The following NDEL1 variants were observed in gnomAD, a reference collection of about 807,000 sequenced individuals.
NDEL1 encodes the protein nudE neurodevelopment protein 1 like 1.
Under a neutral mutation model 45.7 loss-of-function variants are expected in NDEL1, and 9 were observed. That is an observed-to-expected ratio of 0.20 (90% CI 0.12 to 0.34). NDEL1 has a LOEUF of 0.34. Among genes scored for constraint, NDEL1 ranks in the 10% least tolerant of loss-of-function variants. The pLI is 1.00. For missense variants in NDEL1, 306 were observed against 406.2 expected (o/e 0.75, Z 2.12); for synonymous variants, 133 against 158.6 (o/e 0.84, Z 1.21).
At chr17:8,462,282 G>A (rs1456769456) in intron 8 of NDEL1, among the ~76,000 whole-genome samples, 1 of 152,166 alleles carries the variant, frequency 6.6e-6, no homozygotes, top group Non-Finnish European at 1.5e-5. Flanking sequence ...TTTGTGGGCT[G>A]GCTGTTGTGT....
intron 1 of NDEL1, among the ~76,000 whole-genome samples, chr17:8,438,703 A>G (rs1206881260): frequency 1.3e-5 from 2 of 151,376 alleles, no homozygotes; most frequent in African/African-American, 2.4e-5. Flanking sequence ...TTTGTTAGAG[A>G]TGGGGTTTCA....
chr17:8,464,251 T>TC (rs1356747020), intron 8 of NDEL1: 1 of 143,632 alleles, frequency 7.0e-6, no homozygotes, highest in Non-Finnish European at 1.5e-5. Flanking sequence ...CTCTGGAACC[T>TC]TTTTTTTACA....
chr17:8,471,450 T>TG (rs1911831515), downstream of NDEL1, among the ~76,000 whole-genome samples: 1 of 152,236 alleles, frequency 6.6e-6, no homozygotes, highest in Non-Finnish European at 1.5e-5. Context: ...CACGTGAAGC[T>TG]GGGGGTGCCT....
upstream of NDEL1, among the ~76,000 whole-genome samples, chr17:8,435,495 T>C (rs139791707): frequency 8.5e-5 from 13 of 152,296 alleles, no homozygotes; most frequent in East Asian, 3.9e-4. Flanking sequence ...TGATGTTCCA[T>C]TGGGTGTTCG....
Position 8,439,750 on chromosome 17 carries a change from A to G in NDEL1, c.-13+3705A>G, listed in dbSNP as rs567601266. 9.2e-5 allele frequency among the ~76,000 whole-genome samples: 14 copies of G among 152,342 alleles called. No individual in the cohort carries two copies. In the South Asian group the frequency reaches 2.1e-3, roughly 23 times the overall value. On this transcript the variant is annotated intron_variant, in intron 1 of 8. Transcript: ENST00000334527. ...TGTGGTCATACTTGAAAGGTCTGCT[A>G]TCGAACTACCAATTTTTAATAGCTT...
intron 4 of NDEL1, 134 bp downstream of exon 4, chr17:8,447,036 CG>C (rs1388138998): frequency 1.1e-5 from 12 of 1,108,024 alleles, no homozygotes; most frequent in Non-Finnish European, 1.4e-5. Flanking sequence ...TGTAACTCAT[CG>C]GACGGAAGGG....
chr17:8,415,408 T>G (rs1167579151), intron 1 of NDEL1, among the ~76,000 whole-genome samples: 1 of 147,160 alleles, frequency 6.8e-6, no homozygotes, highest in Admixed American at 6.8e-5. Flanking sequence ...TACTTTTTTT[T>G]GCCACTTTAT....
In NDEL1 at chr17:8,450,864, A is replaced by G. The variant is rs1910452146; in HGVS notation, c.611A>G (p.Glu204Gly). 1 of 1,613,636 alleles carries G rather than the reference A, an allele frequency of 6.2e-7. No individual in the cohort carries two copies. Among genetic ancestry groups the G allele is most frequent in the African/African-American group, 1.3e-5 (1 of 74,912 alleles). The change falls in exon 6 of 9, where the codon GAA becomes GGA. Residue 204 changes from glutamate to glycine, a missense_variant. Glu to Gly is a moderately conservative substitution (Grantham distance 98, BLOSUM62 -2). Around this residue, in one of 3 missense-constraint regions of NDEL1, gnomAD observed 175 missense variants for 205.2 expected, o/e 0.85. Coordinates refer to ENST00000334527, the MANE Select transcript of NDEL1 (RefSeq NM_030808.5). ...CCTAGCTCTCCAACTCTAGACTGTGAAAAGATGGACTCCGCCGTCCAAGCA... is the reference window on the plus strand; with the variant it reads ...CCTAGCTCTCCAACTCTAGACTGTGGAAAGATGGACTCCGCCGTCCAAGCA... ...SAPSSPTLDC[E>G]KMDSAVQASL...
intron 8 of NDEL1, chr17:8,464,270 T>G (rs559134647): frequency 7.2e-5 from 11 of 152,350 alleles, no homozygotes; most frequent in African/African-American, 2.6e-4. Context: ...CATATATGAT[T>G]CCCAGATCTG....
downstream of NDEL1, among the ~76,000 whole-genome samples, chr17:8,470,031 C>G (rs979420093): frequency 1.2e-4 from 18 of 151,964 alleles, no homozygotes; most frequent in Admixed American, 1.2e-3. The surrounding 1 kb of genome is among the most constrained non-coding windows in gnomAD (Gnocchi z 4.2). Context: ...TTTTGTGGCT[C>G]TAGCAGCTCT....
At chr17:8,424,860 G>A (rs1230579882) in intron 1 of NDEL1, among the ~76,000 whole-genome samples, 1 of 152,076 alleles carries the variant, frequency 6.6e-6, no homozygotes, top group East Asian at 1.9e-4. Flanking sequence ...GTAGAGACGG[G>A]CTCTCACTGT....
downstream of NDEL1, among the ~76,000 whole-genome samples, chr17:8,472,665 GA>G (rs142024295): frequency 1.3e-5 from 2 of 151,448 alleles, no homozygotes; most frequent in Non-Finnish European, 2.9e-5. Flanking sequence ...TCTGTCTCGG[GA>G]AAAAAAACAA....
At position 8,467,117 on chromosome 17, in the gene NDEL1, C is replaced by A; in HGVS notation, c.*94C>A. ...GGTGCCTGGGCCCAGCCCCGTGCCC[C>A]TCCGTCTGCCTCCGCACGGCTGGCA... On this transcript the variant is annotated 3_prime_UTR_variant, in exon 9 of 9. Coordinates refer to ENST00000334527, the MANE Select transcript of NDEL1 (RefSeq NM_030808.5). This position sits in a 1 kb window ranked among gnomAD's most constrained non-coding sequence, Gnocchi z 6.3. 8.3e-7 allele frequency: 1 copy of A among 1,204,044 alleles called. No homozygotes were observed. The highest frequency in any genetic ancestry group is 1.2e-6 in the Non-Finnish European group (1 of 833,206). The allele number at this position is 1,204,044 out of a possible 1,614,324, so 74.6% of individuals were successfully genotyped here. A position where few individuals can be genotyped will look rare whatever the true frequency, so the allele number is the denominator to read the frequency against.
intron 7 of NDEL1, among the ~76,000 whole-genome samples, chr17:8,456,602 G>A (rs1362631196): frequency 6.7e-6 from 1 of 148,704 alleles, no homozygotes; most frequent in Non-Finnish European, 1.5e-5. Context: ...AGGTTCAAGC[G>A]ATTCTCCTGC....
intron 7 of NDEL1, among the ~76,000 whole-genome samples, chr17:8,456,688 G>A (rs1910869236): frequency 6.6e-6 from 1 of 151,918 alleles, no homozygotes; most frequent in Non-Finnish European, 1.5e-5. Flanking sequence ...TAGTAGAGAC[G>A]GGGTTTCACC....
chr17:8,447,672 G>C (rs891745571), intron 4 of NDEL1, among the ~76,000 whole-genome samples: 1 of 152,102 alleles, frequency 6.6e-6, no homozygotes, highest in Non-Finnish European at 1.5e-5. Flanking sequence ...TCTGAACAAC[G>C]TGCAGTGGCT....
intron 7 of NDEL1, among the ~76,000 whole-genome samples, chr17:8,456,794 T>C (rs918947501): frequency 2.6e-5 from 4 of 152,198 alleles, no homozygotes; most frequent in African/African-American, 9.7e-5. Flanking sequence ...CCACCATGTC[T>C]GGCCAGTATT....
At chr17:8,447,418 T>C (rs945829435) in intron 4 of NDEL1, among the ~76,000 whole-genome samples, 8 of 152,172 alleles carry the variant, frequency 5.3e-5, no homozygotes, top group African/African-American at 1.9e-4. Flanking sequence ...GCTGGGATTA[T>C]AGGCATGAGC....
chr17:8,460,609 G>A (rs1911137604), intron 8 of NDEL1, among the ~76,000 whole-genome samples: 1 of 152,188 alleles, frequency 6.6e-6, no homozygotes, highest in Non-Finnish European at 1.5e-5. Flanking sequence ...ATACAGTTTA[G>A]GAGATACAAC....
Sources: allele counts gnomAD v4.1 joint callset (sites outside exome capture counted in the v4.1 genomes callset), GRCh38; gene constraint gnomAD v4.1.1; regional missense constraint gnomAD v4.1.1; non-coding constraint Gnocchi (gnomAD v3.1); transcripts MANE v1.5; gene names NCBI Gene and HGNC (gene_info 2026-07-23, HGNC 2026-07-21).